The following TBC1D5 variants were observed in gnomAD, a reference collection of about 807,000 sequenced individuals.
TBC1D5 encodes TBC1 domain family, member 5.
In TBC1D5, 75 loss-of-function variants were observed where a neutral mutation model predicts 100.3. The observed-to-expected ratio is 0.75, with a 90% CI of 0.62 to 0.91. TBC1D5 has a LOEUF of 0.91. TBC1D5 is among the 40% of genes least tolerant of loss of function. The pLI is 0.00. For missense variants in TBC1D5, 910 were observed against 942.4 expected (o/e 0.97, Z 0.45); for synonymous variants, 323 against 325.6 (o/e 0.99, Z 0.09).
At chr3:17,454,793 G>A (rs1011700487) in intron 3 of TBC1D5, among the ~76,000 whole-genome samples, 1 of 151,948 alleles carries the variant, frequency 6.6e-6, no homozygotes, top group Non-Finnish European at 1.5e-5. Flanking sequence ...TGCCAACAGT[G>A]AGGAATCTCA....
intron 14 of TBC1D5, among the ~76,000 whole-genome samples, chr3:17,294,571 C>G (rs2082068009): frequency 6.6e-6 from 1 of 152,076 alleles, no homozygotes; most frequent in Admixed American, 6.5e-5. Flanking sequence ...ATAAGGGAAG[C>G]CAAATAATGT....
intron 13 of TBC1D5, among the ~76,000 whole-genome samples, chr3:17,349,384 A>T (rs1575466199): frequency 2.0e-5 from 3 of 152,304 alleles, no homozygotes; most frequent in South Asian, 4.1e-4. Context: ...CTTGAGAATC[A>T]CTGGTATACA....
chr3:17,384,365 T>G (rs992113351), intron 8 of TBC1D5, among the ~76,000 whole-genome samples: 1 of 152,070 alleles, frequency 6.6e-6, no homozygotes, highest in Non-Finnish European at 1.5e-5. Flanking sequence ...AGAATGTGAT[T>G]TTGTAAAAGT....
At chr3:17,427,928 AT>A (rs1398394185) in intron 4 of TBC1D5, among the ~76,000 whole-genome samples, 1 of 151,972 alleles carries the variant, frequency 6.6e-6, no homozygotes, top group Non-Finnish European at 1.5e-5. Flanking sequence ...TATTTTCTTA[AT>A]TAGTATATCC....
chr3:17,573,680 C>T (rs902913701), intron 2 of TBC1D5, among the ~76,000 whole-genome samples: 2 of 151,988 alleles, frequency 1.3e-5, no homozygotes, highest in Non-Finnish European at 2.9e-5. Flanking sequence ...GGCAGTATTT[C>T]CCTCCACCTA....
At chr3:17,194,587 T>C (rs1160520894) in intron 18 of TBC1D5, among the ~76,000 whole-genome samples, 2 of 152,242 alleles carry the variant, frequency 1.3e-5, no homozygotes, top group Non-Finnish European at 2.9e-5. Flanking sequence ...GTGTATTAAG[T>C]ATCAGAGAAT....
intron 19 of TBC1D5, among the ~76,000 whole-genome samples, chr3:17,178,287 G>C (rs547903441): frequency 1.3e-5 from 2 of 151,850 alleles, no homozygotes; most frequent in Non-Finnish European, 2.9e-5. Flanking sequence ...GGATGGTCTC[G>C]ATCTCCTGAC....
At chr3:17,281,469 C>G (rs144983305) in intron 15 of TBC1D5, among the ~76,000 whole-genome samples, 1 of 152,308 alleles carries the variant, frequency 6.6e-6, no homozygotes, top group African/African-American at 2.4e-5. Context: ...TGGCCTCTGT[C>G]TGGAGGAGCT....
chr3:17,575,609 C>T (rs2096652723), intron 2 of TBC1D5, among the ~76,000 whole-genome samples: 1 of 152,070 alleles, frequency 6.6e-6, no homozygotes, highest in Non-Finnish European at 1.5e-5. Context: ...AGGAAATAAC[C>T]TGCCTGGCTG....
intron 5 of TBC1D5, among the ~76,000 whole-genome samples, chr3:17,405,510 T>G (rs2093747702): frequency 6.6e-6 from 1 of 152,046 alleles, no homozygotes. Flanking sequence ...AAATTTGATT[T>G]AATTTAGTTT....
intron 3 of TBC1D5, among the ~76,000 whole-genome samples, chr3:17,461,210 G>A (rs866540588): frequency 6.6e-6 from 1 of 152,160 alleles, no homozygotes; most frequent in Non-Finnish European, 1.5e-5. Flanking sequence ...ATGCAATAAT[G>A]CAAGCACAGT....
At chr3:17,636,665 G>A (rs2063959771) in intron 1 of TBC1D5, among the ~76,000 whole-genome samples, 1 of 151,898 alleles carries the variant, frequency 6.6e-6, no homozygotes, top group Non-Finnish European at 1.5e-5. Context: ...GCCAGGCGTG[G>A]TGGCAGGCGC....
chr3:17,296,951 T>G (rs1467655079), intron 14 of TBC1D5, among the ~76,000 whole-genome samples: 1 of 152,234 alleles, frequency 6.6e-6, no homozygotes, highest in Admixed American at 6.5e-5. Flanking sequence ...TTTTCCCACT[T>G]AATACACTTT....
At chr3:17,588,502 T>C (rs2153556680) in intron 2 of TBC1D5, among the ~76,000 whole-genome samples, 1 of 152,270 alleles carries the variant, frequency 6.6e-6, no homozygotes, top group East Asian at 1.9e-4. Context: ...GTGTATAAGT[T>C]ACTGCTGCCC....
At chr3:17,696,268 T>C (rs893172549) in intron 1 of TBC1D5, among the ~76,000 whole-genome samples, 7 of 150,746 alleles carry the variant, frequency 4.6e-5, no homozygotes, top group East Asian at 1.9e-4. Flanking sequence ...CTGAAGGAAA[T>C]AGAGACACAA....
chr3:17,319,645 C>T (rs976618672), intron 13 of TBC1D5, among the ~76,000 whole-genome samples: 10 of 151,776 alleles, frequency 6.6e-5, no homozygotes, highest in African/African-American at 2.2e-4. Context: ...CAGAGGCGGG[C>T]GGATCACAAG....
intron 2 of TBC1D5, among the ~76,000 whole-genome samples, chr3:17,619,606 G>A (rs2062479468): frequency 2.0e-5 from 3 of 152,182 alleles, no homozygotes; most frequent in Non-Finnish European, 4.4e-5. Flanking sequence ...AAATGGATCA[G>A]AGATCTAATC....
chr3:17,499,426 G>C lies in TBC1D5; in HGVS notation c.97+9048C>G, dbSNP rs373920946. Reference sequence around the variant, plus strand: ...GTTATTTCATTATTTAAAAATTCTAGGTAGGGGACTGTGGCTCACACCTGT... The same window carrying C: ...GTTATTTCATTATTTAAAAATTCTACGTAGGGGACTGTGGCTCACACCTGT... On this transcript the variant is annotated intron_variant, in intron 3 of 21. Coordinates refer to ENST00000253692, the Ensembl canonical transcript of TBC1D5. 1.2e-3 allele frequency among the ~76,000 whole-genome samples: 163 copies of C among 134,922 alleles called. 7 individuals carry two copies. The South Asian group carries it at 0.021, about 17-fold the overall frequency. 88.5% of individuals were successfully genotyped at this position (134,922 alleles called of 152,430 possible).
chr3:17,663,086 T>C (rs1294842272), intron 1 of TBC1D5: 2 of 152,198 alleles, frequency 1.3e-5, no homozygotes, highest in Non-Finnish European at 2.9e-5. Context: ...CATTCATGAT[T>C]GTAATTTTGT....
Sources: allele counts gnomAD v4.1 joint callset (sites outside exome capture counted in the v4.1 genomes callset), GRCh38; gene constraint gnomAD v4.1.1; transcripts MANE v1.5; gene names NCBI Gene and HGNC (gene_info 2026-07-23, HGNC 2026-07-21).